ACOX2: variants seen among roughly 807,000 people sequenced by gnomAD.
ACOX2 encodes acyl-CoA oxidase 2.
ACOX2 carries 59 observed loss-of-function variants against 77.5 expected under a neutral mutation model. The ratio of observed to expected loss-of-function variants is 0.76; its 90% confidence interval spans 0.62 to 0.95. The LOEUF is 0.95. Ranked by LOEUF, ACOX2 falls within the 40% of genes least tolerant of loss-of-function variation. ACOX2 has a pLI of 0.00. For missense variants in ACOX2, 837 were observed against 880.4 expected, an observed-to-expected ratio of 0.95 and a Z score of 0.62; for synonymous variants, 317 against 340.1, an observed-to-expected ratio of 0.93 and a Z score of 0.75.
At position 58,522,589 on chromosome 3, in the gene ACOX2, G is replaced by A. The variant is rs750654750; in HGVS notation, c.1539C>T (p.Asp513=). The change falls in exon 12 of 15, where the codon GAC becomes GAT. Residue 513 remains aspartate, a synonymous_variant. Coordinates refer to ENST00000302819, the MANE Select transcript of ACOX2 (RefSeq NM_003500.4). This position sits in a 1 kb window ranked among gnomAD's most constrained non-coding sequence, Gnocchi z 4.3. ...TCAGGGTCTGTAAATGCTGCACTGA[G>A]TCCTTTATGAGCCTGAAAGCCAAAG... The part of the protein sequence containing the change: ...WAHVAVRLIK[D]SVQHLQTLTQ... 5 of 1,614,052 alleles carry A rather than the reference G, an allele frequency of 3.1e-6. No individual in the cohort carries two copies. Among genetic ancestry groups the A allele is most frequent in the African/African-American group, 2.7e-5 (2 of 74,922 alleles).
chr3:58,526,320 A>T lies in ACOX2; in HGVS notation c.1346+146T>A. 1.1e-6 allele frequency: 1 copy of T among 874,508 alleles called. No homozygotes were observed. The highest frequency in any genetic ancestry group is 1.7e-6 in the Non-Finnish European group (1 of 577,078). 54.2% of individuals were successfully genotyped at this position (874,508 alleles called of 1,614,324 possible). ...ATGGTGGCCTAGAAGTGGATAGGTT[A>T]GTCATACTGGGGAATTGGACAGCTC... On this transcript the variant is annotated intron_variant, in intron 10 of 14. Transcript: ENST00000302819. The surrounding 1 kb of genome is among the most constrained non-coding windows in gnomAD (Gnocchi z 4.3).
chr3:58,527,857 T>C (rs2063408179), intron 9 of ACOX2, among the ~76,000 whole-genome samples: 2 of 106,604 alleles, frequency 1.9e-5, no homozygotes, highest in Admixed American at 1.3e-4. Flanking sequence ...CACACCTGAC[T>C]AATTTTTCAT....
In ACOX2 at chr3:58,522,577, ATGC is replaced by A. The variant is rs776645695; in HGVS notation, c.1548_1550del (p.Gln516del). The A allele has an allele frequency of 1.2e-6, 2 of 1,614,184 alleles. No homozygotes were observed. Among genetic ancestry groups the A allele is most frequent in the Non-Finnish European group, 1.7e-6 (2 of 1,180,026 alleles). ...CTCCGGATTGCGTCAGGGTCTGTAA[ATGC>A]TGCACTGAGTCCTTTATGAGCCTGA... On this transcript the variant is annotated inframe_deletion, in exon 12 of 15. Coordinates refer to ENST00000302819, the MANE Select transcript of ACOX2 (RefSeq NM_003500.4). This position sits in a 1 kb window ranked among gnomAD's most constrained non-coding sequence, Gnocchi z 4.3.
At chr3:58,530,663 A>G (rs766601009) in intron 7 of ACOX2, 25 bp from the exon 8 acceptor site, 1 of 1,605,870 alleles carries the variant, frequency 6.2e-7, no homozygotes, top group Non-Finnish European at 8.5e-7. Context: ...GACGGGCACA[A>G]GTTCTGGGCC....
At position 58,531,425 on chromosome 3, in the gene ACOX2, G is replaced by A; in HGVS notation, c.704-59C>T. On this transcript the variant is annotated intron_variant, in intron 6 of 14. Coordinates refer to ENST00000302819, the MANE Select transcript of ACOX2 (RefSeq NM_003500.4). The surrounding 1 kb of genome is among the most constrained non-coding windows in gnomAD (Gnocchi z 5.8). ...TTGAGAGAGTGCTTGCTATGTGGCAGGTATCATACACACATTCCAGGTCAC... is the reference window on the plus strand; with the variant it reads ...TTGAGAGAGTGCTTGCTATGTGGCAAGTATCATACACACATTCCAGGTCAC... 4.1e-6 allele frequency: 6 copies of A among 1,480,738 alleles called. No individual in the cohort carries two copies. Among genetic ancestry groups the A allele is most frequent in the Non-Finnish European group, 5.6e-6 (6 of 1,064,384 alleles). 91.7% of individuals were successfully genotyped at this position (1,480,738 alleles called of 1,614,324 possible).
In ACOX2 at chr3:58,531,128, T is replaced by A; in HGVS notation, c.819+123A>T. 1 of 794,760 alleles carries A rather than the reference T, an allele frequency of 1.3e-6. No homozygotes were observed. Among genetic ancestry groups the A allele is most frequent in the South Asian group, 1.8e-5 (1 of 54,772 alleles). 49.2% of individuals were successfully genotyped at this position (794,760 alleles called of 1,614,324 possible). On this transcript the variant is annotated intron_variant, in intron 7 of 14. Coordinates refer to ENST00000302819, the MANE Select transcript of ACOX2 (RefSeq NM_003500.4). The surrounding 1 kb of genome is among the most constrained non-coding windows in gnomAD (Gnocchi z 5.8). ...CCCCAATCTGTGGGATATCAGAGCC[T>A]CTCTTGGGGGAGGAGGTTATGTGGC...
chr3:58,529,425 G>C (rs530849371), intron 8 of ACOX2, among the ~76,000 whole-genome samples: 2 of 152,306 alleles, frequency 1.3e-5, no homozygotes, highest in South Asian at 4.1e-4. Flanking sequence ...CCAAGGAAGG[G>C]ACTGTGTCTG....
chr3:58,534,176 C>A lies in ACOX2; in HGVS notation c.324-31G>T, dbSNP rs772189364. 26 of 1,611,950 alleles carry A rather than the reference C, an allele frequency of 1.6e-5. 1 individual carries two copies. Among genetic ancestry groups the A allele is most frequent in the Admixed American group, 1.2e-4 (7 of 59,768 alleles). ...GGGGAGAGATGCTGTAGTTGAGTAGCTTATTGGAGACAGGGGCCCAGGTAC... is the reference window on the plus strand; with the variant it reads ...GGGGAGAGATGCTGTAGTTGAGTAGATTATTGGAGACAGGGGCCCAGGTAC... On this transcript the variant is annotated intron_variant, in intron 3 of 14. Transcript: ENST00000302819. The surrounding 1 kb of genome is among the most constrained non-coding windows in gnomAD (Gnocchi z 4.8).
intron 14 of ACOX2, 113 bp downstream of exon 14, chr3:58,508,780 G>A (rs1560208582): frequency 5.1e-6 from 7 of 1,373,968 alleles, no homozygotes; most frequent in Admixed American, 2.1e-5. Flanking sequence ...GACGTGCTAC[G>A]CCAAGTGATT....
Position 58,514,262 on chromosome 3 carries a change from GACA to G in ACOX2, c.1850+2941_1850+2943del, listed in dbSNP as rs1303785156. 1.3e-5 allele frequency among the ~76,000 whole-genome samples: 2 copies of G among 152,176 alleles called. No homozygotes were observed. The highest frequency in any genetic ancestry group is 4.8e-5 in the African/African-American group (2 of 41,432). ...TCAAGAGCAGCCTGGACAACACAGA[GACA>G]ACATCTCTTTCTCTTTGTGGGTTTA... On this transcript the variant is annotated intron_variant, in intron 13 of 14. Transcript: ENST00000302819. The surrounding 1 kb of genome is among the most constrained non-coding windows in gnomAD (Gnocchi z 4.3).
chr3:58,511,306 C>A, intron 13 of ACOX2: 1 of 349,536 alleles, frequency 2.9e-6, no homozygotes, highest in South Asian at 2.4e-5. Context: ...TGGTTGCTGT[C>A]AAAATGGGCA....
chr3:58,510,253 C>G (rs375651556), intron 13 of ACOX2, among the ~76,000 whole-genome samples: 1 of 152,006 alleles, frequency 6.6e-6, no homozygotes, highest in Non-Finnish European at 1.5e-5. Flanking sequence ...TGAGCCCTAC[C>G]GCCAATTTAA....
At chr3:58,536,356 C>T (rs1395051786) in intron 1 of ACOX2, among the ~76,000 whole-genome samples, 6 of 152,278 alleles carry the variant, frequency 3.9e-5, no homozygotes, top group Middle Eastern at 3.4e-3. Context: ...TGCTTTTGAT[C>T]CCCTTCCTTC....
In ACOX2 at chr3:58,534,272, G is replaced by T. The variant is rs1393430903; in HGVS notation, c.323+88C>A. ...TGGTTTCCCAACAAGTCTTCCCTTT[G>T]TTGGGGGAAATGGCTCATGGGGCTA... is the stretch of plus-strand genomic sequence containing the variant. On this transcript the variant is annotated intron_variant, in intron 3 of 14. Transcript: ENST00000302819. The surrounding 1 kb of genome is among the most constrained non-coding windows in gnomAD (Gnocchi z 4.8). 1.9e-6 allele frequency: 3 copies of T among 1,581,082 alleles called. No homozygotes were observed. The highest frequency in any genetic ancestry group is 1.4e-5 in the African/African-American group (1 of 73,728).
chr3:58,511,395 A>C (rs576503733), intron 13 of ACOX2: 12 of 299,614 alleles, frequency 4.0e-5, no homozygotes, highest in African/African-American at 1.8e-4. Flanking sequence ...CATGAAGGAC[A>C]TTGATGATGG....
intron 9 of ACOX2, among the ~76,000 whole-genome samples, chr3:58,527,912 G>A (rs1161432932): frequency 2.0e-5 from 3 of 150,776 alleles, no homozygotes; most frequent in African/African-American, 7.4e-5. Context: ...ATCTTGCTCA[G>A]GCTGGTCTTG....
intron 14 of ACOX2, among the ~76,000 whole-genome samples, chr3:58,506,151 A>G (rs2063232374): frequency 1.3e-5 from 2 of 152,196 alleles, no homozygotes; most frequent in African/African-American, 4.8e-5. Flanking sequence ...TTTGGCACAA[A>G]GTATGTACTT....
chr3:58,531,604 A>G lies in ACOX2; in HGVS notation c.703+89T>C. 1 of 1,540,364 alleles carries G rather than the reference A, an allele frequency of 6.5e-7. No individual in the cohort carries two copies. The highest frequency in any genetic ancestry group is 8.8e-7 in the Non-Finnish European group (1 of 1,139,656). Reference sequence around the variant, plus strand: ...TGCCCAAGGGAGACATGTCTTAGCTACTCCTGTGGCCCTCTGGGGCCCCAG... The same window carrying G: ...TGCCCAAGGGAGACATGTCTTAGCTGCTCCTGTGGCCCTCTGGGGCCCCAG... On this transcript the variant is annotated intron_variant, in intron 6 of 14. Coordinates refer to ENST00000302819, the MANE Select transcript of ACOX2 (RefSeq NM_003500.4). The surrounding 1 kb of genome is among the most constrained non-coding windows in gnomAD (Gnocchi z 5.8).
chr3:58,532,558 G>T (rs187882842), intron 5 of ACOX2, among the ~76,000 whole-genome samples: 5 of 151,984 alleles, frequency 3.3e-5, no homozygotes. Flanking sequence ...ACTAATTTTT[G>T]TATTTTTAGT....
Sources: gnomAD v4.1 joint callset for allele counts (sites outside exome capture counted in the v4.1 genomes callset) on GRCh38, gnomAD v4.1.1 for gene constraint, Gnocchi (gnomAD v3.1) non-coding constraint, MANE v1.5 for transcripts, NCBI Gene and HGNC (gene_info 2026-07-23, HGNC 2026-07-21) for gene names.